Variants in ATP5IF1 observed in about 807,000 individuals in gnomAD.
ATP5IF1 encodes the protein ATP synthase inhibitory factor subunit 1, also known as ATPase inhibitor, mitochondrial.
A neutral mutation model predicts 8.5 loss-of-function variants in ATP5IF1; 12 were observed. The observed-to-expected ratio is 1.41, with a 90% CI of 0.90 to 2.28. The LOEUF (loss-of-function observed/expected upper bound fraction) is 2.28. ATP5IF1 is among the 30% of genes most tolerant of loss of function. ATP5IF1 has a pLI of 0.00. For missense variants in ATP5IF1, 154 were observed against 140.2 expected, an observed-to-expected ratio of 1.10 and a Z score of -0.50; for synonymous variants, 51 against 53.4, an observed-to-expected ratio of 0.96 and a Z score of 0.19.
chr1:28,237,165 T>G, intron 2 of ATP5IF1: 1 of 991,810 alleles, frequency 1.0e-6, no homozygotes, highest in Non-Finnish European at 1.2e-6. Flanking sequence ...TAATCTTGCT[T>G]TTGCTTGTCC....
rs1301205468 is a variant in ATP5IF1 at position 28,236,618 on chromosome 1, C to G, written c.179+166C>G. On this transcript the variant is annotated intron_variant, in intron 2 of 2. Transcript: ENST00000335514. ...ATACCCTAACCCTTGATGTCCCGACCGTTGCCACGTATAGGGCACTCCCAG... is the reference window on the plus strand; with the variant it reads ...ATACCCTAACCCTTGATGTCCCGACGGTTGCCACGTATAGGGCACTCCCAG... 7 of 1,527,010 alleles carry G rather than the reference C, an allele frequency of 4.6e-6. No homozygotes were observed. The Admixed American group carries it at 5.9e-5, about 13-fold the overall frequency. 94.6% of individuals were successfully genotyped at this position (1,527,010 alleles called of 1,614,324 possible).
In ATP5IF1 at chr1:28,238,055, TTGTC is replaced by T; in HGVS notation, c.*81_*84del. ...GACATGGTTCTGGTTTAACTAATAT[TTGTC>T]TGTGTGCTACTAACAGATTATAATA... On this transcript the variant is annotated 3_prime_UTR_variant, in exon 3 of 3. Transcript: ENST00000335514. 3.6e-6 allele frequency: 5 copies of T among 1,407,108 alleles called. No individual in the cohort carries two copies. The highest frequency in any genetic ancestry group is 3.9e-6 in the Non-Finnish European group (4 of 1,035,480). 87.2% of individuals were successfully genotyped at this position (1,407,108 alleles called of 1,614,324 possible). A position where few individuals can be genotyped will look rare whatever the true frequency, so the allele number is the denominator to read the frequency against.
chr1:28,236,714 A>G (rs768397263), intron 2 of ATP5IF1: 2 of 1,395,704 alleles, frequency 1.4e-6, no homozygotes, highest in East Asian at 2.8e-5. Context: ...CCACGGCTCA[A>G]CTCCTCCTTT....
chr1:28,237,507 C>T, intron 2 of ATP5IF1: 1 of 1,360,008 alleles, frequency 7.4e-7, no homozygotes, highest in Non-Finnish European at 9.4e-7. Flanking sequence ...CTGTCTTCCT[C>T]ATTTTGTTCC....
intron 2 of ATP5IF1, 174 bp downstream of exon 2, chr1:28,236,626 C>T (rs1367270065): frequency 6.6e-7 from 1 of 1,517,874 alleles, no homozygotes; most frequent in Non-Finnish European, 8.8e-7. Context: ...ACCGTTGCCA[C>T]GTATAGGGCA....
chr1:28,237,544 G>A (rs1027523774), intron 2 of ATP5IF1: 2 of 1,368,390 alleles, frequency 1.5e-6, no homozygotes, highest in Non-Finnish European at 1.9e-6. Flanking sequence ...GGGGAGTCAA[G>A]TTCCCTGGGT....
intron 2 of ATP5IF1, 36 bp downstream of exon 2, chr1:28,236,488 C>T (rs762415403): frequency 6.2e-7 from 1 of 1,613,854 alleles, no homozygotes; most frequent in African/African-American, 1.3e-5. Flanking sequence ...AGCCCTGGAT[C>T]TCCCAATGGC....
intron 2 of ATP5IF1, 30 bp downstream of exon 2, chr1:28,236,482 C>G: frequency 4.3e-6 from 7 of 1,614,030 alleles, no homozygotes; most frequent in Non-Finnish European, 5.9e-6. Flanking sequence ...AAGTCCAGCC[C>G]TGGATCTCCC....
At chr1:28,236,678 T>C in intron 2 of ATP5IF1, 1 of 1,437,404 alleles carries the variant, frequency 7.0e-7, no homozygotes, top group Non-Finnish European at 9.1e-7. Flanking sequence ...CCCAAACCGT[T>C]TCCACCGGCG....
rs777305106 is a variant in ATP5IF1, at chr1:28,237,911, T to C, written c.254T>C (p.Ile85Thr). ...EEEIVHHKKEIERLQKEIERH... is the reference protein window; with the variant it reads ...EEEIVHHKKETERLQKEIERH... Reference sequence around the variant, plus strand: ...GAAATCGTTCATCATAAGAAGGAGATTGAGCGTCTGCAGAAAGAAATTGAG... The same window carrying C: ...GAAATCGTTCATCATAAGAAGGAGACTGAGCGTCTGCAGAAAGAAATTGAG... Residue 85 changes from isoleucine (I) to threonine (T), a missense_variant, in exon 3 of 3, where the codon ATT becomes ACT. Transcript: ENST00000335514. 1.9e-6 allele frequency: 3 copies of C among 1,613,972 alleles called. No homozygotes were observed. The highest frequency in any genetic ancestry group is 2.2e-5 in the East Asian group (1 of 44,882).
chr1:28,236,613 C>T, intron 2 of ATP5IF1, 161 bp downstream of exon 2: 1 of 1,529,208 alleles, frequency 6.5e-7, no homozygotes, highest in East Asian at 2.5e-5. Context: ...CCTTGATGTC[C>T]CGACCGTTGC....
rs1320907301 is a variant in ATP5IF1 at position 28,236,168 on chromosome 1, T to C, written c.-16T>C. ...CTTGCTGCGGCAGAGACGCCAGAGG[T>C]GCAGCTCCAGCAGCAATGGCAGTGA... On this transcript the variant is annotated 5_prime_UTR_variant, in exon 1 of 3. Transcript: ENST00000335514. The C allele has an allele frequency of 1.2e-6, 2 of 1,611,568 alleles. No individual in the cohort carries two copies. The highest frequency in any genetic ancestry group is 1.1e-5 in the South Asian group (1 of 91,064).
intron 2 of ATP5IF1, chr1:28,236,888 C>T: frequency 8.9e-7 from 1 of 1,122,738 alleles, no homozygotes; most frequent in Non-Finnish European, 1.1e-6. Flanking sequence ...CTCGCCAGCA[C>T]GCCTTAGCTT....
At position 28,236,280 on chromosome 1, in the gene ATP5IF1, G is replaced by A; in HGVS notation, c.87+10G>A. The A allele has an allele frequency of 1.2e-6, 2 of 1,614,142 alleles. No homozygotes were observed. Among genetic ancestry groups the A allele is most frequent in the Non-Finnish European group, 1.7e-6 (2 of 1,180,020 alleles). ...CTTCGGCTCGGATCAGGTACGCTGC[G>A]GCAGTGTCCGCTGCTCCAGCCCCGC... is the stretch of plus-strand genomic sequence containing the variant. On this transcript the variant is annotated intron_variant, in intron 1 of 2. Transcript: ENST00000335514.
At chr1:28,236,485 G>A (rs1647037619) in intron 2 of ATP5IF1, 33 bp downstream of exon 2, 3 of 1,613,944 alleles carry the variant, frequency 1.9e-6, no homozygotes, top group Non-Finnish European at 2.5e-6. Flanking sequence ...TCCAGCCCTG[G>A]ATCTCCCAAT....
At chr1:28,236,931 G>A in intron 2 of ATP5IF1, 1 of 1,078,264 alleles carries the variant, frequency 9.3e-7, no homozygotes, top group Non-Finnish European at 1.1e-6. Context: ...CTTCTCAGGT[G>A]TTTCTAGACC....
chr1:28,236,679 T>G, intron 2 of ATP5IF1: 5 of 1,438,060 alleles, frequency 3.5e-6, no homozygotes, highest in Non-Finnish European at 4.6e-6. Flanking sequence ...CCAAACCGTT[T>G]CCACCGGCGG....
At chr1:28,236,944 C>G in intron 2 of ATP5IF1, 1 of 1,065,010 alleles carries the variant, frequency 9.4e-7, no homozygotes, top group South Asian at 2.9e-5. Flanking sequence ...TCTAGACCCC[C>G]GACTCCGCAA....
Position 28,238,006 on chromosome 1 carries a change from CAT to C in ATP5IF1, c.*29_*30del, listed in dbSNP as rs756993246. 1.8e-4 allele frequency: 287 copies of C among 1,592,910 alleles called. 1 individual carries two copies. The Admixed American group carries it at 4.3e-3, about 24-fold the overall frequency. On this transcript the variant is annotated 3_prime_UTR_variant, in exon 3 of 3. Coordinates refer to ENST00000335514, the MANE Select transcript of ATP5IF1 (RefSeq NM_016311.5). ...GCACACCGTGTGCCATAGAATGGCA[CAT>C]GTCATTGCCCACTTCTGTGTAGACA... is the stretch of plus-strand genomic sequence containing the variant.
Sources: gnomAD v4.1 joint callset for allele counts on GRCh38, gnomAD v4.1.1 for gene constraint, MANE v1.5 for transcripts, NCBI Gene and HGNC (gene_info 2026-07-23, HGNC 2026-07-21) for gene names.